The following PPP1R3F variants were observed in gnomAD, a reference collection of about 807,000 sequenced individuals.
PPP1R3F encodes the protein protein phosphatase 1 regulatory subunit 3F.
Under a neutral mutation model 24.2 loss-of-function variants are expected in PPP1R3F, and 29 were observed. The ratio of observed to expected loss-of-function variants is 1.20; its 90% CI spans 0.89 to 1.63. The LOEUF (loss-of-function observed/expected upper bound fraction) is 1.63. Among genes scored for constraint, PPP1R3F ranks in the 40% most tolerant of loss-of-function variants. PPP1R3F has a pLI of 0.00. For synonymous variants in PPP1R3F, 363 were observed against 340.1 expected (o/e 1.07, Z -0.74); for missense variants, 823 against 729.3 (o/e 1.13, Z -1.48).
intron 3 of PPP1R3F, among the ~76,000 whole-genome samples, chrX:49,284,492 CTTTTTTCTTTTTCTTTCTTTT>C (rs2066268537): frequency 3.1e-5 from 2 of 65,486 alleles, no homozygotes; most frequent in African/African-American, 1.2e-4. Flanking sequence ...CTCTTTCTTT[CTTTTTTCTTTTTCTTTCTTTT>C]TTTTTTTTTT....
downstream of PPP1R3F, among the ~76,000 whole-genome samples, chrX:49,291,380 T>A (rs2066308697): frequency 9.5e-6 from 1 of 105,051 alleles, no homozygotes; most frequent in African/African-American, 3.5e-5. Context: ...CAGGCTGGAG[T>A]GAAGTGGCAC....
intron 1 of PPP1R3F, among the ~76,000 whole-genome samples, chrX:49,278,073 T>TG (rs1465252465): frequency 6.2e-5 from 7 of 112,290 alleles, no homozygotes; most frequent in Non-Finnish European, 1.1e-4. Flanking sequence ...AAGGGTGCTC[T>TG]GGGGGCTGAA....
intron 1 of PPP1R3F, chrX:49,275,805 T>G (rs1245029663): frequency 9.0e-6 from 1 of 111,728 alleles, no homozygotes; most frequent in Non-Finnish European, 1.9e-5. Context: ...TCCTCCATAC[T>G]GAATTGTAAG....
chrX:49,286,026 C>T lies in PPP1R3F; in HGVS notation c.1336C>T (p.Pro446Ser). The stretch of plus-strand genomic sequence containing the variant: ...CGATGCGAGCGAGGGGGCCACCGGG[C>T]CTTTCCTGGAGCCCAGTCAGCAGCA... ...GPDASEGATG[P>S]FLEPSQQQAE... is the part of the protein sequence containing the mutation. Residue 446 changes from proline to serine, a missense_variant, in exon 4 of 4, where the codon CCT (proline) becomes TCT (serine). Pro to Ser is a moderately conservative substitution (Grantham distance 74). Coordinates refer to ENST00000055335, the MANE Select transcript of PPP1R3F (RefSeq NM_033215.5). 1 of 1,177,852 alleles carries T rather than the reference C, an allele frequency of 8.5e-7. No homozygotes were observed. Among genetic ancestry groups the T allele is most frequent in the Non-Finnish European group, 1.1e-6 (1 of 876,417 alleles).
At chrX:49,298,166 C>T (rs1161086813) in intron 3 of PPP1R3F, among the ~76,000 whole-genome samples, 1 of 111,932 alleles carries the variant, frequency 8.9e-6, no homozygotes, top group Non-Finnish European at 1.9e-5. Context: ...TTTTCCTTTG[C>T]ATATTTAGTG....
At chrX:49,283,564 TTC>T (rs2147971538) in intron 3 of PPP1R3F, among the ~76,000 whole-genome samples, 1 of 111,747 alleles carries the variant, frequency 8.9e-6, no homozygotes, top group East Asian at 2.8e-4. Context: ...TCAAGTTTTC[TTC>T]TCTCATAAGT....
Position 49,271,828 on chromosome X carries a change from G to A in PPP1R3F, c.1004+955G>A, listed in dbSNP as rs969535705. Among the ~76,000 whole-genome samples, 3 of 112,655 alleles carry A rather than the reference G, an allele frequency of 2.7e-5. 1 individual carries two copies. Among genetic ancestry groups the A allele is most frequent in the Non-Finnish European group, 5.6e-5 (3 of 53,252 alleles). ...ACTGGACTTGAAGTTTTTGTCCCTTGTTTTTTTGCCACACCACCTGTGATC... is the reference window on the plus strand; with the variant it reads ...ACTGGACTTGAAGTTTTTGTCCCTTATTTTTTTGCCACACCACCTGTGATC... On this transcript the variant is annotated intron_variant, in intron 1 of 3. Coordinates refer to ENST00000055335, the MANE Select transcript of PPP1R3F (RefSeq NM_033215.5).
At chrX:49,297,994 T>A (rs1288188043) in intron 3 of PPP1R3F, among the ~76,000 whole-genome samples, 1 of 110,535 alleles carries the variant, frequency 9.0e-6, no homozygotes, top group Non-Finnish European at 1.9e-5. Context: ...TGTCTTTTAA[T>A]TGGGGCATTT....
rs192202660 is a variant in PPP1R3F, at chrX:49,281,963, C to T, written c.1061-18C>T. The T allele has an allele frequency of 2.6e-6, 3 of 1,159,748 alleles. No individual in the cohort carries two copies. The highest frequency in any genetic ancestry group is 3.5e-6 in the Non-Finnish European group (3 of 849,400). ...TGTATGCCTGTCTTGCCCAATGCTG[C>T]CTTTCTCTTCCCTCTAGCAGAGCAT... On this transcript the variant is annotated intron_variant, in intron 2 of 3. Coordinates refer to ENST00000055335, the MANE Select transcript of PPP1R3F (RefSeq NM_033215.5).
intron 1 of PPP1R3F, chrX:49,274,300 C>T (rs1307393155): frequency 1.8e-5 from 2 of 111,518 alleles, no homozygotes; most frequent in Non-Finnish European, 3.8e-5. Flanking sequence ...AAAGTAAAGA[C>T]CAAGAGAGCC....
intron 1 of PPP1R3F, among the ~76,000 whole-genome samples, chrX:49,277,783 G>A (rs1557120198): frequency 8.9e-6 from 1 of 112,399 alleles, no homozygotes; most frequent in Non-Finnish European, 1.9e-5. Context: ...TGGTTGTGTA[G>A]TCAGTGAGTG....
chrX:49,270,094 C>T lies in PPP1R3F; in HGVS notation c.225C>T (p.Gly75=). The T allele has an allele frequency of 5.0e-6, 5 of 1,008,063 alleles. No homozygotes were observed. The highest frequency in any genetic ancestry group is 4.1e-5 in the East Asian group (1 of 24,482). 83.1% of individuals were successfully genotyped at this position (1,008,063 alleles called of 1,213,427 possible). The change falls in exon 1 of 4, where the codon GGC becomes GGT. Residue 75 remains glycine, a synonymous_variant. Transcript: ENST00000055335. ...CGGCGGCCGGGCAAGATGGCGGCGG[C>T]GGCGGCGGGGCCGACGAGGACGACG... The part of the protein sequence containing the change: ...MAAAAGQDGG[G]GGGADEDDDG...
chrX:49,281,370 T>A (rs782247709), intron 1 of PPP1R3F, 36 bp from the exon 2 acceptor site: 14 of 1,140,871 alleles, frequency 1.2e-5, no homozygotes, highest in Non-Finnish European at 1.7e-5. Context: ...TCTCAGGGTA[T>A]TATTAGATCC....
chrX:49,285,820 G>A lies in PPP1R3F; in HGVS notation c.1144-14G>A. Reference sequence around the variant, plus strand: ...TGCTTTTTCTCTGCCCCCTTGCCCCGGCCATGGCTCCAGGTTTCTGACGTT... The same window carrying A: ...TGCTTTTTCTCTGCCCCCTTGCCCCAGCCATGGCTCCAGGTTTCTGACGTT... On this transcript the variant is annotated splice_polypyrimidine_tract_variant and intron_variant, in intron 3 of 3. Transcript: ENST00000055335. 2.7e-6 allele frequency: 3 copies of A among 1,123,619 alleles called. No homozygotes were observed. Among genetic ancestry groups the A allele is most frequent in the Non-Finnish European group, 3.5e-6 (3 of 848,948 alleles). 92.6% of individuals were successfully genotyped at this position (1,123,619 alleles called of 1,213,427 possible).
rs1361845112 is a variant in PPP1R3F at position 49,286,208 on chromosome X, T to C, written c.1518T>C (p.Gly506=). The part of the protein sequence containing the change: ...LSRLRAAVAA[G]GAGGGGEGST... ...GCCTACGGGCTGCTGTGGCTGCGGG[T>C]GGGGCAGGGGGTGGTGGGGAGGGCT... Residue 506 remains glycine (G), a synonymous_variant, in exon 4 of 4, where the codon GGT becomes GGC. Coordinates refer to ENST00000055335, the MANE Select transcript of PPP1R3F (RefSeq NM_033215.5). The C allele has an allele frequency of 1.2e-6, 1 of 809,717 alleles. No individual in the cohort carries two copies. The highest frequency in any genetic ancestry group is 6.5e-5 in the East Asian group (1 of 15,293). 66.7% of individuals were successfully genotyped at this position (809,717 alleles called of 1,213,427 possible).
intron 3 of PPP1R3F, among the ~76,000 whole-genome samples, chrX:49,297,627 G>A (rs2066326855): frequency 1.8e-5 from 2 of 111,338 alleles, no homozygotes; most frequent in Admixed American, 1.9e-4. Flanking sequence ...GGGATTAGAG[G>A]CATGAGCCAA....
chrX:49,279,763 C>T (rs1189865947), intron 1 of PPP1R3F, among the ~76,000 whole-genome samples: 4 of 112,749 alleles, frequency 3.5e-5, no homozygotes, highest in African/African-American at 1.3e-4. Context: ...TGTGGGCATT[C>T]GCCCCAGCTC....
In PPP1R3F at chrX:49,281,424, GA is replaced by G; in HGVS notation, c.1025del (p.Lys342ArgfsTer26). Reference protein sequence around the residue: ...VRRRPAEEELKTKNMDDNTFA... With the variant: ...VRRRPAEEELXTKNMDDNTFA... ...CCTGCAGGCCTGCCGAGGAGGAACTGAAGACGAAGAACATGGATGATAACAC... is the reference window on the plus strand; with the variant it reads ...CCTGCAGGCCTGCCGAGGAGGAACTGAGACGAAGAACATGGATGATAACAC... On this transcript the variant is annotated frameshift_variant, in exon 2 of 4. Transcript: ENST00000055335. LOFTEE classifies it high-confidence loss of function. 1 of 1,208,584 alleles carries G rather than the reference GA, an allele frequency of 8.3e-7. No individual in the cohort carries two copies. Among genetic ancestry groups the G allele is most frequent in the Non-Finnish European group, 1.1e-6 (1 of 893,125 alleles).
chrX:49,297,380 AT>A (rs1193422360), intron 3 of PPP1R3F, among the ~76,000 whole-genome samples: 3 of 108,639 alleles, frequency 2.8e-5, no homozygotes, highest in Non-Finnish European at 3.8e-5. Context: ...TGCCTGGCTA[AT>A]TTTTTTGTAT....
Sources: allele counts gnomAD v4.1 joint callset (sites outside exome capture counted in the v4.1 genomes callset), GRCh38; gene constraint gnomAD v4.1.1; transcripts MANE v1.5; gene names NCBI Gene and HGNC (gene_info 2026-07-23, HGNC 2026-07-21).